The following NCOR2 variants were observed in gnomAD, a reference collection of about 807,000 sequenced individuals.
The protein encoded by NCOR2 is CTG repeat protein 26.
NCOR2 carries 81 observed loss-of-function variants against 262.9 expected under a neutral mutation model. The observed-to-expected ratio is 0.31, with a 90% CI of 0.26 to 0.37. The LOEUF (loss-of-function observed/expected upper bound fraction) is 0.37. Ranked by LOEUF, NCOR2 falls within the 10% of genes least tolerant of loss-of-function variation. The probability of loss-of-function intolerance (pLI) is 1.00; values close to 1 mark genes in which losing one functional copy is unlikely to be tolerated. For synonymous variants in NCOR2, 1,659 were observed against 1,559.3 expected (o/e 1.06, Z -1.51); for missense variants, 3,385 against 3,621.4 (o/e 0.93, Z 1.68).
Position 124,566,325 on chromosome 12 carries a change from A to G in NCOR2, c.-165+983T>C, listed in dbSNP as rs916639091. Reference sequence around the variant, plus strand: ...GGAGCGCGCGACAGGCGGCGGGAGGACACTCGCTTCCAAAAAAATAAACCT... The same window carrying G: ...GGAGCGCGCGACAGGCGGCGGGAGGGCACTCGCTTCCAAAAAAATAAACCT... On this transcript the variant is annotated intron_variant, in intron 1 of 32. Coordinates refer to the NCOR2 transcript ENST00000458234. This position sits in a 1 kb window ranked among gnomAD's most constrained non-coding sequence, Gnocchi z 4.3. Among the ~76,000 whole-genome samples the G allele has an allele frequency of 9.9e-5, 15 of 152,104 alleles. No individual in the cohort carries two copies. Among genetic ancestry groups the G allele is most frequent in the African/African-American group, 1.7e-4 (7 of 41,386 alleles).
intron 1 of NCOR2, among the ~76,000 whole-genome samples, chr12:124,488,116 T>C (rs1366294587): frequency 6.6e-6 from 1 of 152,226 alleles, no homozygotes; most frequent in Non-Finnish European, 1.5e-5. Context: ...CTAGTCACTC[T>C]TTTGTTGTCT....
Position 124,508,245 on chromosome 12 carries a change from A to G in NCOR2, c.-117-12877T>C, listed in dbSNP as rs567418140. Among the ~76,000 whole-genome samples the G allele has an allele frequency of 1.1e-3, 165 of 152,366 alleles. 1 individual carries two copies. Among genetic ancestry groups the G allele is most frequent in the African/African-American group, 3.6e-3 (150 of 41,580 alleles). On this transcript the variant is annotated intron_variant, in intron 1 of 46. Coordinates refer to the NCOR2 transcript ENST00000404621. ...ATCCACTTTACGTCAGCTCTGTCCA[A>G]TGCTCAGAAGTGGACGCATCTGGGC...
chr12:124,400,812 G>A lies in NCOR2; in HGVS notation c.1641-139C>T, dbSNP rs368087871. On this transcript the variant is annotated intron_variant, in intron 14 of 46. Transcript: ENST00000405201. The stretch of plus-strand genomic sequence containing the variant: ...AATCGGACGCTAGGAAAGAGGGGGA[G>A]AGGCCTGAGGTGAGGGTGGCCAGGG... 4.4e-5 allele frequency: 48 copies of A among 1,102,594 alleles called. 3 individuals carry two copies. In the Middle Eastern group the frequency reaches 1.7e-3, roughly 39 times the overall value. 68.3% of individuals were successfully genotyped at this position (1,102,594 alleles called of 1,614,324 possible). A position where few individuals can be genotyped will look rare whatever the true frequency, so the allele number is the denominator to read the frequency against.
intron 40 of NCOR2, 32 bp from the exon 43 acceptor site, chr12:124,334,649 C>G: frequency 8.0e-7 from 1 of 1,249,048 alleles, no homozygotes; most frequent in Non-Finnish European, 1.0e-6. Flanking sequence ...CAGAGTCAGG[C>G]AGCACTCTCC....
intron 37 of NCOR2, among the ~76,000 whole-genome samples, chr12:124,339,243 AAGCCAGTCATCTATCCTCTCAC>A (rs2135806002): frequency 3.8e-5 from 1 of 26,282 alleles, no homozygotes; most frequent in African/African-American, 1.5e-4. Context: ...CCACCCAGCT[AAGCCAGTCATCTATCCTCTCAC>A]CCACCCACCT....
At chr12:124,348,233 C>T in exon 29 of NCOR2, 1 of 1,613,152 alleles carries the variant, frequency 6.2e-7, no homozygotes. Flanking sequence ...GTCATAGGTG[C>T]GCTTGGGGGC....
intron 20 of NCOR2, among the ~76,000 whole-genome samples, chr12:124,367,363 GTCT>G (rs1025282888): frequency 2.6e-5 from 4 of 152,144 alleles, no homozygotes; most frequent in African/African-American, 9.7e-5. Flanking sequence ...TTTACAAGAG[GTCT>G]TCTGATCCCA....
intron 11 of NCOR2, 128 bp from the exon 14 acceptor site, chr12:124,422,683 A>T: frequency 5.9e-5 from 59 of 992,660 alleles, no homozygotes; most frequent in Non-Finnish European, 7.0e-5. Context: ...ACTTGGAGCA[A>T]TTAAGCCCAG....
chr12:124,557,783 C>A (rs2051931404), intron 1 of NCOR2, among the ~76,000 whole-genome samples: 1 of 152,184 alleles, frequency 6.6e-6, no homozygotes, highest in Admixed American at 6.5e-5. Flanking sequence ...TTGCCTTCCT[C>A]CCCTGGTTTA....
At chr12:124,418,557 G>A (rs555070926) in intron 13 of NCOR2, among the ~76,000 whole-genome samples, 2 of 152,316 alleles carry the variant, frequency 1.3e-5, no homozygotes, top group South Asian at 4.1e-4. Context: ...GCCTCTCCAG[G>A]CACAGTCCAA....
upstream of NCOR2, among the ~76,000 whole-genome samples, chr12:124,499,976 G>T (rs905155602): frequency 6.6e-6 from 1 of 152,072 alleles, no homozygotes; most frequent in African/African-American, 2.4e-5. Flanking sequence ...TCTGCAGGCC[G>T]AGGAAACAGC....
intron 16 of NCOR2, among the ~76,000 whole-genome samples, chr12:124,393,284 G>A (rs907919108): frequency 4.6e-5 from 7 of 152,146 alleles, no homozygotes; most frequent in African/African-American, 7.2e-5. Context: ...CCAGCTCCCC[G>A]GAGCTGCCCG....
chr12:124,327,159 G>A (rs1034229977), intron 45 of NCOR2, among the ~76,000 whole-genome samples: 2 of 152,244 alleles, frequency 1.3e-5, no homozygotes, highest in East Asian at 1.9e-4. Flanking sequence ...GTGAGTGTCC[G>A]AGGGAGGCGG....
chr12:124,343,181 G>A (rs767883030), exon 33 of NCOR2: 10 of 1,609,182 alleles, frequency 6.2e-6, no homozygotes, highest in Admixed American at 1.7e-5. Flanking sequence ...ACGAGGCGTC[G>A]ACGTCAGCTT....
chr12:124,499,055 T>C (rs183989290), upstream of NCOR2, among the ~76,000 whole-genome samples: 2 of 152,160 alleles, frequency 1.3e-5, no homozygotes, highest in Non-Finnish European at 2.9e-5. Flanking sequence ...TGAAACTTGA[T>C]AGAGGAGGCG....
intron 5 of NCOR2, among the ~76,000 whole-genome samples, chr12:124,465,098 C>G (rs867024670): frequency 6.6e-6 from 1 of 152,150 alleles, no homozygotes; most frequent in Non-Finnish European, 1.5e-5. Context: ...TCCCCACCCC[C>G]ACCTCAACTC....
chr12:124,417,760 A>G (rs1331219883), intron 13 of NCOR2, among the ~76,000 whole-genome samples: 1 of 152,162 alleles, frequency 6.6e-6, no homozygotes, highest in African/African-American at 2.4e-5. Context: ...ATGCACTTCA[A>G]TTTCAAAAAC....
chr12:124,534,220 G>A (rs1461676204), intron 1 of NCOR2, among the ~76,000 whole-genome samples: 2 of 152,210 alleles, frequency 1.3e-5, no homozygotes, highest in Non-Finnish European at 2.9e-5. Context: ...ACTTTGGGAG[G>A]CCGAGGCAGG....
At position 124,389,561 on chromosome 12, in the gene NCOR2, C is replaced by T. The variant is rs2041118930; in HGVS notation, c.1877-3674G>A. 1.3e-5 allele frequency among the ~76,000 whole-genome samples: 2 copies of T among 152,210 alleles called. No homozygotes were observed. Among genetic ancestry groups the T allele is most frequent in the African/African-American group, 4.8e-5 (2 of 41,458 alleles). On this transcript the variant is annotated intron_variant, in intron 16 of 46. Transcript: ENST00000405201. The surrounding 1 kb of genome is among the most constrained non-coding windows in gnomAD (Gnocchi z 4.4). Reference sequence around the variant, plus strand: ...AGCTTCTTCCGCCATCATCCCCCGCCGCCCGTCCCCCCACCCTCCGTGTCA... The same window carrying T: ...AGCTTCTTCCGCCATCATCCCCCGCTGCCCGTCCCCCCACCCTCCGTGTCA...
Sources: gnomAD v4.1 joint callset for allele counts (sites outside exome capture counted in the v4.1 genomes callset) on GRCh38, gnomAD v4.1.1 for gene constraint, Gnocchi (gnomAD v3.1) non-coding constraint, MANE v1.5 for transcripts, NCBI Gene and HGNC (gene_info 2026-07-23, HGNC 2026-07-21) for gene names.